The following SLC14A2 variants were observed in gnomAD, a reference collection of about 807,000 sequenced individuals.
SLC14A2 encodes solute carrier family 14 member 2.
Under a neutral mutation model 104.6 loss-of-function variants are expected in SLC14A2, and 91 were observed. The ratio of observed to expected loss-of-function variants is 0.87; its 90% CI spans 0.73 to 1.04. The LOEUF (loss-of-function observed/expected upper bound fraction) is 1.04, where lower values mean the gene tolerates loss of function less well. SLC14A2 is among the 50% of genes least tolerant of loss of function. SLC14A2 has a pLI of 0.00. For missense variants in SLC14A2, 1,189 were observed against 1,156.0 expected (o/e 1.03, Z -0.41); for synonymous variants, 476 against 466.4 (o/e 1.02, Z -0.27).
chr18:45,503,195 T>C (rs1014461241), intron 2 of SLC14A2, among the ~76,000 whole-genome samples: 2 of 152,160 alleles, frequency 1.3e-5, no homozygotes, highest in African/African-American at 2.4e-5. Context: ...GTATTTTTGA[T>C]TGTTGTGTTT....
intron 2 of SLC14A2, among the ~76,000 whole-genome samples, chr18:45,501,236 A>G (rs57212600): frequency 0.011 from 1,628 of 152,278 alleles, 21 homozygotes; most frequent in African/African-American, 0.037. Context: ...TGGCTCGCCA[A>G]AGGTGAGGAT....
At chr18:45,588,104 GAGA>G (rs1248948413) in intron 2 of SLC14A2, among the ~76,000 whole-genome samples, 3 of 152,154 alleles carry the variant, frequency 2.0e-5, no homozygotes, top group South Asian at 2.1e-4. Flanking sequence ...CTGTCATTCA[GAGA>G]AGAATTCAAA....
At chr18:45,614,336 T>C (rs1599066876), upstream of SLC14A2, among the ~76,000 whole-genome samples, 1 of 152,290 alleles carries the variant, frequency 6.6e-6, no homozygotes, top group East Asian at 1.9e-4. Flanking sequence ...ATAGAGAACC[T>C]CTGCTAGGGC....
chr18:45,250,314 A>G (rs899488620), intron 1 of SLC14A2, among the ~76,000 whole-genome samples: 2 of 152,096 alleles, frequency 1.3e-5, no homozygotes, highest in African/African-American at 4.8e-5. Flanking sequence ...GCATGCACAC[A>G]TTTGGGGCCA....
intron 1 of SLC14A2, among the ~76,000 whole-genome samples, chr18:45,402,293 C>T (rs938359417): frequency 6.6e-6 from 1 of 152,012 alleles, no homozygotes; most frequent in African/African-American, 2.4e-5. Flanking sequence ...TTATTGTCTG[C>T]ATTTTATTTA....
At chr18:45,456,751 CTTTTT>C (rs10711605) in intron 1 of SLC14A2, among the ~76,000 whole-genome samples, 1 of 141,968 alleles carries the variant, frequency 7.0e-6, no homozygotes. Flanking sequence ...CCCCAGGAGA[CTTTTT>C]TTTTTTTTTT....
rs568760657 is a variant in SLC14A2, at chr18:45,352,977, A to C, written c.-124-130256A>C. 1.2e-3 allele frequency among the ~76,000 whole-genome samples: 190 copies of C among 152,356 alleles called. 1 individual carries two copies. Among genetic ancestry groups the C allele is most frequent in the Non-Finnish European group, 2.1e-3 (145 of 68,034 alleles). ...AATAAAAAGTGACATACAGAAATCA[A>C]AAGTGAGGTACAGAAACAGCTGGAT... On this transcript the variant is annotated intron_variant, in intron 1 of 20. Coordinates refer to the SLC14A2 transcript ENST00000586448.
At chr18:45,409,935 A>G (rs1598769928) in intron 1 of SLC14A2, among the ~76,000 whole-genome samples, 1 of 152,194 alleles carries the variant, frequency 6.6e-6, no homozygotes, top group Non-Finnish European at 1.5e-5. Context: ...TAATTATACA[A>G]TTCACCGTAA....
In SLC14A2 at chr18:45,301,782, G is replaced by C. The variant is rs1420077403; in HGVS notation, c.-125+88591G>C. Among the ~76,000 whole-genome samples, 9 of 152,170 alleles carry C rather than the reference G, an allele frequency of 5.9e-5. No homozygotes were observed. In the East Asian group the frequency reaches 1.3e-3, roughly 23 times the overall value. Reference sequence around the variant, plus strand: ...CTCTGTTGGAATGATTTTGTATCCTGAACAGTCTTCTGTGACTTCTCCCTG... The same window carrying C: ...CTCTGTTGGAATGATTTTGTATCCTCAACAGTCTTCTGTGACTTCTCCCTG... On this transcript the variant is annotated intron_variant, in intron 1 of 20. Transcript: ENST00000586448.
intron 1 of SLC14A2, among the ~76,000 whole-genome samples, chr18:45,444,339 AC>A (rs1465199759): frequency 6.6e-6 from 1 of 152,046 alleles, no homozygotes; most frequent in Non-Finnish European, 1.5e-5. Context: ...CTCCCTGTGG[AC>A]CCTGCCAGTT....
intron 2 of SLC14A2, among the ~76,000 whole-genome samples, chr18:45,542,668 G>C (rs2043908414): frequency 6.6e-6 from 1 of 152,116 alleles, no homozygotes; most frequent in South Asian, 2.1e-4. Context: ...AGTAGATCTG[G>C]AAGGTACCCT....
At chr18:45,543,417 C>T (rs1449295994) in intron 2 of SLC14A2, among the ~76,000 whole-genome samples, 1 of 152,054 alleles carries the variant, frequency 6.6e-6, no homozygotes. Context: ...GTTGGTAGAG[C>T]ATGAGACTCT....
intron 1 of SLC14A2, among the ~76,000 whole-genome samples, chr18:45,240,991 A>C (rs763609544): frequency 6.6e-6 from 1 of 152,166 alleles, no homozygotes; most frequent in Non-Finnish European, 1.5e-5. Context: ...ACTAAGCTTC[A>C]ACCCAGGGAA....
At chr18:45,396,162 GATCTTTATGTTTATCCTGATTAAAA>G (rs1318444019) in intron 1 of SLC14A2, among the ~76,000 whole-genome samples, 3 of 152,044 alleles carry the variant, frequency 2.0e-5, no homozygotes, top group Non-Finnish European at 4.4e-5. Context: ...CCTGAGTTCA[GATCTTTATGTTTATCCTGATTAAAA>G]TGCATATTGT....
chr18:45,371,073 C>A (rs1436659048), intron 1 of SLC14A2, among the ~76,000 whole-genome samples: 3 of 152,086 alleles, frequency 2.0e-5, no homozygotes, highest in Non-Finnish European at 4.4e-5. Context: ...CAAAGCAACA[C>A]CCCCAAAGGT....
At chr18:45,457,180 C>A (rs2086958460) in intron 1 of SLC14A2, among the ~76,000 whole-genome samples, 2 of 152,090 alleles carry the variant, frequency 1.3e-5, no homozygotes, top group African/African-American at 4.8e-5. Context: ...TATTTAATCT[C>A]ATTGAGTCTC....
chr18:45,225,001 T>C (rs2084100160), intron 1 of SLC14A2, among the ~76,000 whole-genome samples: 1 of 152,210 alleles, frequency 6.6e-6, no homozygotes, highest in Admixed American at 6.5e-5. Context: ...TTTAATTAGA[T>C]CCCATTTGTC....
chr18:45,431,274 G>A (rs1335193581), intron 1 of SLC14A2, among the ~76,000 whole-genome samples: 3 of 151,986 alleles, frequency 2.0e-5, no homozygotes, highest in Admixed American at 6.6e-5. Flanking sequence ...TATATTACAC[G>A]TCTAGCAAGT....
At chr18:45,208,036 C>T (rs1049619807), upstream of SLC14A2, among the ~76,000 whole-genome samples, 9 of 152,120 alleles carry the variant, frequency 5.9e-5, no homozygotes, top group Admixed American at 4.6e-4. Context: ...CAAAGCCAAA[C>T]CTTTTCACTA....
Sources: allele counts gnomAD v4.1 joint callset (sites outside exome capture counted in the v4.1 genomes callset), GRCh38; gene constraint gnomAD v4.1.1; transcripts MANE v1.5; gene names NCBI Gene and HGNC (gene_info 2026-07-23, HGNC 2026-07-21).